The following ROBO1 variants were observed in gnomAD, a reference collection of about 807,000 sequenced individuals.
ROBO1 encodes the protein roundabout guidance receptor 1, also known as roundabout homolog 1.
A neutral mutation model predicts 195.9 loss-of-function variants in ROBO1; 149 were observed. The ratio of observed to expected loss-of-function variants is 0.76; its 90% CI spans 0.67 to 0.87. The LOEUF is 0.87. ROBO1 is among the 40% of genes least tolerant of loss of function. ROBO1 has a pLI of 0.00. For missense variants in ROBO1, 1,933 were observed against 2,068.3 expected, an observed-to-expected ratio of 0.93 and a Z score of 1.27; for synonymous variants, 816 against 733.2, an observed-to-expected ratio of 1.11 and a Z score of -1.82.
At chr3:79,068,542 T>G (rs2079038482) in intron 3 of ROBO1, among the ~76,000 whole-genome samples, 1 of 151,866 alleles carries the variant, frequency 6.6e-6, no homozygotes, top group African/African-American at 2.4e-5. Context: ...CTGAAAAAAA[T>G]CTATAATCTT....
At chr3:78,812,753 AT>A (rs2084780787) in intron 4 of ROBO1, among the ~76,000 whole-genome samples, 2 of 152,116 alleles carry the variant, frequency 1.3e-5, no homozygotes, top group Admixed American at 1.3e-4. Context: ...ACGATACTAA[AT>A]TAATATTCAC....
Position 78,693,340 on chromosome 3 carries a change from C to G in ROBO1, c.1046-4568G>C, listed in dbSNP as rs754673582. The G allele has an allele frequency of 3.9e-6, 6 of 1,549,440 alleles. No homozygotes were observed. The African/African-American group carries it at 4.1e-5, about 11-fold the overall frequency. On this transcript the variant is annotated intron_variant, in intron 8 of 30. Transcript: ENST00000464233. Reference sequence around the variant, plus strand: ...GATGAGAAGATGGCCAATAAAATGTCAACTTACCAGACCCAACTAAAACAA... The same window carrying G: ...GATGAGAAGATGGCCAATAAAATGTGAACTTACCAGACCCAACTAAAACAA...
intron 4 of ROBO1, among the ~76,000 whole-genome samples, chr3:78,884,652 G>GAAAGAAAGAAAGA (rs1559961818): frequency 2.0e-4 from 10 of 49,074 alleles, no homozygotes; most frequent in African/African-American, 6.6e-4. Flanking sequence ...AGAAAGAAAG[G>GAAAGAAAGAAAGA]AAGGAAGGAA....
intron 3 of ROBO1, among the ~76,000 whole-genome samples, chr3:79,012,047 C>G (rs1212199205): frequency 6.6e-6 from 1 of 152,152 alleles, no homozygotes; most frequent in Non-Finnish European, 1.5e-5. Context: ...TGAATTTAGA[C>G]ATACTTTGAA....
intron 26 of ROBO1, among the ~76,000 whole-genome samples, chr3:78,624,838 T>C (rs112362207): frequency 0.032 from 4,879 of 152,106 alleles, 96 homozygotes; most frequent in Middle Eastern, 0.051. Flanking sequence ...AGAGGACGTG[T>C]CCTTTGAATA....
chr3:79,226,979 T>C (rs1559748907), intron 2 of ROBO1, among the ~76,000 whole-genome samples: 1 of 152,176 alleles, frequency 6.6e-6, no homozygotes, highest in Non-Finnish European at 1.5e-5. Context: ...ATGATCTGTT[T>C]CTCCCTTCTC....
intron 3 of ROBO1, among the ~76,000 whole-genome samples, chr3:79,119,319 T>A (rs1015228643): frequency 1.8e-4 from 27 of 152,192 alleles, no homozygotes; most frequent in African/African-American, 6.5e-4. Flanking sequence ...TTCAGGAGGA[T>A]AGAATTACGC....
At chr3:79,405,525 A>G (rs2106812696) in intron 2 of ROBO1, among the ~76,000 whole-genome samples, 1 of 152,264 alleles carries the variant, frequency 6.6e-6, no homozygotes, top group South Asian at 2.1e-4. Flanking sequence ...GCTGTATTTT[A>G]GTGTATCTTG....
chr3:78,626,877 T>A (rs182413626), intron 26 of ROBO1, among the ~76,000 whole-genome samples: 125 of 152,292 alleles, frequency 8.2e-4, no homozygotes, highest in African/African-American at 2.8e-3. Context: ...CTCATTCTTC[T>A]GTGACATTAT....
intron 8 of ROBO1, among the ~76,000 whole-genome samples, chr3:78,691,649 A>T (rs979524670): frequency 1.3e-5 from 2 of 152,306 alleles, no homozygotes; most frequent in Middle Eastern, 6.8e-3. Flanking sequence ...TCGAGAGTGT[A>T]TTAATAAGTA....
chr3:78,841,915 A>G (rs1302779020), intron 4 of ROBO1, among the ~76,000 whole-genome samples: 3 of 152,206 alleles, frequency 2.0e-5, no homozygotes, highest in African/African-American at 7.2e-5. Context: ...AATTTTAATC[A>G]TATCCAATTC....
At chr3:78,883,718 A>G (rs1453496445) in intron 4 of ROBO1, among the ~76,000 whole-genome samples, 2 of 152,170 alleles carry the variant, frequency 1.3e-5, no homozygotes, top group East Asian at 3.8e-4. Context: ...TTTACTATAT[A>G]GTATATTTTA....
intron 1 of ROBO1, among the ~76,000 whole-genome samples, chr3:79,697,430 G>A (rs1256762564): frequency 6.6e-6 from 1 of 151,306 alleles, no homozygotes; most frequent in African/African-American, 2.4e-5. Context: ...TTTTGAAATG[G>A]TCATCATATC....
At position 79,238,872 on chromosome 3, in the gene ROBO1, T is replaced by C. The variant is rs564920091; in HGVS notation, c.89-113333A>G. On this transcript the variant is annotated intron_variant, in intron 2 of 30. Coordinates refer to ENST00000464233, the MANE Select transcript of ROBO1 (RefSeq NM_002941.4). The stretch of plus-strand genomic sequence containing the variant: ...ATTCTGTTTTCTGTCACTTGCACAA[T>C]CCCAATTGTCTTTTTGCCTCTATTT... 2.6e-5 allele frequency among the ~76,000 whole-genome samples: 4 copies of C among 152,334 alleles called. No individual in the cohort carries two copies. The South Asian group carries it at 8.3e-4, about 32-fold the overall frequency.
intron 2 of ROBO1, among the ~76,000 whole-genome samples, chr3:79,314,547 T>A (rs1205008652): frequency 6.6e-6 from 1 of 152,250 alleles, no homozygotes; most frequent in African/African-American, 2.4e-5. Flanking sequence ...CATGCTCAAC[T>A]GTGAGTCAAT....
chr3:79,599,948 G>A (rs375029045), intron 1 of ROBO1, among the ~76,000 whole-genome samples: 9 of 150,264 alleles, frequency 6.0e-5, no homozygotes, highest in African/African-American at 1.2e-4. Context: ...TCTACATCAC[G>A]CATTTTTTTT....
intron 1 of ROBO1, among the ~76,000 whole-genome samples, chr3:79,688,212 C>A (rs1383816067): frequency 8.6e-6 from 1 of 115,962 alleles, no homozygotes; most frequent in Non-Finnish European, 1.6e-5. Flanking sequence ...CACACTGGGG[C>A]CTGTTGTGGG....
At chr3:79,224,272 G>A (rs2082188733) in intron 2 of ROBO1, among the ~76,000 whole-genome samples, 1 of 152,172 alleles carries the variant, frequency 6.6e-6, no homozygotes, top group Non-Finnish European at 1.5e-5. Flanking sequence ...GTGGGATGTT[G>A]AGAAGTTAAG....
intron 3 of ROBO1, among the ~76,000 whole-genome samples, chr3:79,122,927 G>A (rs1405695700): frequency 6.6e-6 from 1 of 151,802 alleles, no homozygotes; most frequent in Non-Finnish European, 1.5e-5. Flanking sequence ...ATGAAATGAA[G>A]CAACATGTAG....
Sources: allele counts gnomAD v4.1 joint callset (sites outside exome capture counted in the v4.1 genomes callset), GRCh38; gene constraint gnomAD v4.1.1; transcripts MANE v1.5; gene names NCBI Gene and HGNC (gene_info 2026-07-23, HGNC 2026-07-21).